GLB1L: variants seen among roughly 807,000 people sequenced by gnomAD.
GLB1L encodes galactosidase beta 1 like.
GLB1L carries 58 observed loss-of-function variants against 75.7 expected under a neutral mutation model. The observed-to-expected ratio is 0.77, with a 90% CI of 0.62 to 0.95. The LOEUF (loss-of-function observed/expected upper bound fraction) is 0.95. GLB1L is among the 40% of genes least tolerant of loss of function. GLB1L has a pLI of 0.00. For synonymous variants in GLB1L, 296 were observed against 303.0 expected, an observed-to-expected ratio of 0.98 and a Z score of 0.24; for missense variants, 797 against 805.5, an observed-to-expected ratio of 0.99 and a Z score of 0.13.
rs1313737170 is a variant in GLB1L, at chr2:219,243,485, T to TCAC, written c.72+14_72+16dup. On this transcript the variant is annotated intron_variant, in intron 2 of 16. Transcript: ENST00000295759. ...CGCTCACCGCACCCGGCAGGCTGGT[T>TCAC]CACCGTCTCATCTTACCTGGGGCAG... is the stretch of plus-strand genomic sequence containing the variant. 7.4e-6 allele frequency: 12 copies of TCAC among 1,614,020 alleles called. No individual in the cohort carries two copies. The highest frequency in any genetic ancestry group is 1.0e-5 in the Non-Finnish European group (12 of 1,179,950).
chr2:219,238,579 C>T lies in GLB1L; in HGVS notation c.1143G>A (p.Gly381=), dbSNP rs1951310392. Residue 381 remains glycine (G), a synonymous_variant, in exon 13 of 17, where the codon GGG becomes GGA. Transcript: ENST00000295759. ...MLGPVTLHLV[G]HLLAFLDLLC... ...GCAAGTCTAGGAAAGCCAGTAAATG[C>T]CCAACCTATTAGAATAAGGGAGAAG... is the stretch of plus-strand genomic sequence containing the variant. 6.2e-7 allele frequency: 1 copy of T among 1,613,214 alleles called. No individual in the cohort carries two copies. Among genetic ancestry groups the T allele is most frequent in the Admixed American group, 1.7e-5 (1 of 59,972 alleles).
intron 5 of GLB1L, among the ~76,000 whole-genome samples, chr2:219,241,173 G>A (rs1252836403): frequency 6.6e-6 from 1 of 151,916 alleles, no homozygotes; most frequent in African/African-American, 2.4e-5. Context: ...GAGGTCAGGA[G>A]ATCGAGACCA....
At position 219,238,679 on chromosome 2, in the gene GLB1L, A is replaced by T; in HGVS notation, c.1137+26T>A. ...TATTTAGAAAAAAAAGGTGTGGTAT[A>T]AGAGAAAAGATGTGGAGGAACTTAC... On this transcript the variant is annotated intron_variant, in intron 12 of 16. Transcript: ENST00000295759. The T allele has an allele frequency of 2.5e-6, 4 of 1,598,920 alleles. No individual in the cohort carries two copies. In the South Asian group the frequency reaches 4.4e-5, roughly 18 times the overall value.
chr2:219,239,879 T>G (rs1271846316), intron 7 of GLB1L, 41 bp downstream of exon 7: 2 of 1,613,912 alleles, frequency 1.2e-6, no homozygotes. Context: ...GTGGAAGAGG[T>G]GTCCTTTCCC....
At position 219,240,101 on chromosome 2, in the gene GLB1L, G is replaced by A; in HGVS notation, c.547-7C>T. 6.2e-7 allele frequency: 1 copy of A among 1,614,194 alleles called. No individual in the cohort carries two copies. The highest frequency in any genetic ancestry group is 8.5e-7 in the Non-Finnish European group (1 of 1,180,022). ...TACCATATTCATTCTCCACCTGCCA[G>A]AGGGGAGGGAAAGTGGAACCCAGCT... On this transcript the variant is annotated splice_region_variant and splice_polypyrimidine_tract_variant and intron_variant, in intron 6 of 16. Transcript: ENST00000295759.
At chr2:219,243,091 G>A (rs1013256845) in intron 3 of GLB1L, 57 bp downstream of exon 3, 5 of 1,558,506 alleles carry the variant, frequency 3.2e-6, no homozygotes, top group South Asian at 1.2e-5. Flanking sequence ...TTCTTTATAA[G>A]GGGGCGGTAG....
intron 10 of GLB1L, 44 bp from the exon 11 acceptor site, chr2:219,239,254 G>A (rs1331779811): frequency 2.6e-6 from 4 of 1,537,674 alleles, no homozygotes; most frequent in Admixed American, 1.7e-5. Context: ...TATTTCAGAT[G>A]ACAGGCACTA....
rs760821224 is a variant in GLB1L at position 219,238,702 on chromosome 2, T to C, written c.1137+3A>G. 20 of 1,613,662 alleles carry C rather than the reference T, an allele frequency of 1.2e-5. No individual in the cohort carries two copies. The highest frequency in any genetic ancestry group is 1.5e-5 in the Non-Finnish European group (18 of 1,179,716). ...ATAAGAGAAAAGATGTGGAGGAACT[T>C]ACCAGGTGCAGAGTCACAGGTCCAA... is the stretch of plus-strand genomic sequence containing the variant. On this transcript the variant is annotated splice_donor_region_variant and intron_variant, in intron 12 of 16. Coordinates refer to ENST00000295759, the MANE Select transcript of GLB1L (RefSeq NM_001286423.2).
Position 219,238,371 on chromosome 2 carries a change from T to C in GLB1L, c.1228-8A>G. 1.9e-6 allele frequency: 3 copies of C among 1,591,328 alleles called. No homozygotes were observed. Among genetic ancestry groups the C allele is most frequent in the Non-Finnish European group, 2.6e-6 (3 of 1,164,668 alleles). ...CAACATGAAGCCATGGTCCTGGGTATGGAAGAATGAGTACTTCAGACAAAC... is the reference window on the plus strand; with the variant it reads ...CAACATGAAGCCATGGTCCTGGGTACGGAAGAATGAGTACTTCAGACAAAC... On this transcript the variant is annotated splice_polypyrimidine_tract_variant and splice_region_variant and intron_variant, in intron 13 of 16. Coordinates refer to ENST00000295759, the MANE Select transcript of GLB1L (RefSeq NM_001286423.2).
At chr2:219,243,077 G>A in intron 3 of GLB1L, 71 bp downstream of exon 3, 1 of 1,554,672 alleles carries the variant, frequency 6.4e-7, no homozygotes, top group East Asian at 2.3e-5. Context: ...TTCCTGTCCC[G>A]ACCTTCTTTA....
chr2:219,238,507 C>G lies in GLB1L; in HGVS notation c.1215G>C (p.Glu405Asp), dbSNP rs1357828979. The G allele has an allele frequency of 1.2e-6, 2 of 1,614,030 alleles. No homozygotes were observed. Among genetic ancestry groups the G allele is most frequent in the Non-Finnish European group, 1.7e-6 (2 of 1,179,952 alleles). Reference sequence around the variant, plus strand: ...GTTTATGCCTTACCTGCTTGACAGCCTCAAAGGTCATTGGCAAGATTGAAT... The same window carrying G: ...GTTTATGCCTTACCTGCTTGACAGCGTCAAAGGTCATTGGCAAGATTGAAT... ...PIHSILPMTF[E>D]AVKQDHGFML... Residue 405 changes from glutamate (E) to aspartate (D), a missense_variant, in exon 13 of 17, where the codon GAG becomes GAC. Physicochemically the swap from Glu to Asp is conservative, Grantham distance 45. Transcript: ENST00000295759.
intron 5 of GLB1L, among the ~76,000 whole-genome samples, chr2:219,241,819 A>G (rs1027900320): frequency 6.6e-6 from 1 of 152,064 alleles, no homozygotes; most frequent in Non-Finnish European, 1.5e-5. Flanking sequence ...ACAGGATCAC[A>G]CTGGCTACTC....
At chr2:219,243,445 C>T (rs1951447452) in intron 2 of GLB1L, 57 bp downstream of exon 2, 1 of 1,604,994 alleles carries the variant, frequency 6.2e-7, no homozygotes, top group Non-Finnish European at 8.5e-7. Flanking sequence ...TTCTCTCATC[C>T]GCTGGATCTG....
chr2:219,240,348 TG>T (rs1189154130), intron 5 of GLB1L, 63 bp from the exon 6 acceptor site: 1 of 1,261,410 alleles, frequency 7.9e-7, no homozygotes. Context: ...CCACTAAATA[TG>T]GGAAGCAATG....
Position 219,243,276 on chromosome 2 carries a change from G to C in GLB1L, c.111C>G (p.Asp37Glu). 1 of 1,612,442 alleles carries C rather than the reference G, an allele frequency of 6.2e-7. No homozygotes were observed. The highest frequency in any genetic ancestry group is 1.1e-5 in the South Asian group (1 of 90,942). Residue 37 changes from aspartate (D) to glutamate (E), a missense_variant, in exon 3 of 17, where the codon GAC becomes GAG. Asp to Glu is a conservative substitution (Grantham distance 45). Transcript: ENST00000295759. ...TRSFVVDRGH[D>E]RFLLDGAPFR... is the part of the protein sequence containing the mutation. ...ACGGGGCCCCGTCTAGGAGAAACCG[G>C]TCATGACCCCTATCCACTACGAACG...
Position 219,243,247 on chromosome 2 carries a change from C to T in GLB1L, c.140G>A (p.Arg47His), listed in dbSNP as rs1951440191. The change falls in exon 3 of 17, where the codon CGC (arginine) becomes CAC (histidine). Residue 47 changes from arginine (R) to histidine (H), a missense_variant. Physicochemically the swap from Arg to His is conservative, Grantham distance 29. Coordinates refer to ENST00000295759, the MANE Select transcript of GLB1L (RefSeq NM_001286423.2). ...GTAGTGCAGGCTGCCAGACACATAG[C>T]GGAACGGGGCCCCGTCTAGGAGAAA... ...DRFLLDGAPFRYVSGSLHYFR... is the reference protein window; with the variant it reads ...DRFLLDGAPFHYVSGSLHYFR... 6.2e-7 allele frequency: 1 copy of T among 1,614,006 alleles called. No homozygotes were observed. Among genetic ancestry groups the T allele is most frequent in the Non-Finnish European group, 8.5e-7 (1 of 1,179,886 alleles).
chr2:219,243,080 C>A, intron 3 of GLB1L, 68 bp downstream of exon 3: 1 of 1,557,704 alleles, frequency 6.4e-7, no homozygotes, highest in South Asian at 1.2e-5. Flanking sequence ...CTGTCCCGAC[C>A]TTCTTTATAA....
chr2:219,244,016 G>A (rs1951466785), intron 1 of GLB1L: 1 of 134,394 alleles, frequency 7.4e-6, no homozygotes, highest in Admixed American at 7.4e-5. Context: ...TGGGGGTGGG[G>A]GTGGGGGTGG....
chr2:219,237,197 G>GAA lies in GLB1L; in HGVS notation c.1839_1840insTT (p.Pro614PhefsTer31). 6.2e-7 allele frequency: 1 copy of GAA among 1,614,146 alleles called. No individual in the cohort carries two copies. Among genetic ancestry groups the GAA allele is most frequent in the Non-Finnish European group, 8.5e-7 (1 of 1,180,028 alleles). The stretch of plus-strand genomic sequence containing the variant: ...GGCTTATCCAAAAATTGGACTTGGG[G>GAA]CTGGAGAGGTACATCTTCTAGTTCC... On this transcript the variant is annotated frameshift_variant, in exon 17 of 17. Transcript: ENST00000295759. LOFTEE classifies it low-confidence loss of function (END_TRUNC).
Sources: gnomAD v4.1 joint callset for allele counts (sites outside exome capture counted in the v4.1 genomes callset) on GRCh38, gnomAD v4.1.1 for gene constraint, MANE v1.5 for transcripts, NCBI Gene and HGNC (gene_info 2026-07-23, HGNC 2026-07-21) for gene names.